Variants in ROBO2 observed in about 807,000 individuals in gnomAD.
ROBO2 encodes the protein roundabout homolog 2.
In ROBO2, 53 loss-of-function variants were observed where a neutral mutation model predicts 160.8. The ratio of observed to expected loss-of-function variants is 0.33; its 90% CI spans 0.26 to 0.41. ROBO2 has a LOEUF of 0.41. Among genes scored for constraint, ROBO2 ranks in the 10% least tolerant of loss-of-function variants. The probability of loss-of-function intolerance (pLI) is 1.00; values close to 1 mark genes in which losing one functional copy is unlikely to be tolerated. For synonymous variants in ROBO2, 664 were observed against 611.7 expected, an observed-to-expected ratio of 1.09 and a Z score of -1.26; for missense variants, 1,577 against 1,722.4, an observed-to-expected ratio of 0.92 and a Z score of 1.49.
At chr3:76,721,085 G>C (rs1229564939) in intron 2 of ROBO2, among the ~76,000 whole-genome samples, 1 of 152,028 alleles carries the variant, frequency 6.6e-6, no homozygotes, top group Non-Finnish European at 1.5e-5. Flanking sequence ...CAATTAGCTA[G>C]GAAAACTTAC....
At chr3:76,899,715 C>T (rs965026320) in intron 2 of ROBO2, among the ~76,000 whole-genome samples, 1 of 152,142 alleles carries the variant, frequency 6.6e-6, no homozygotes. Context: ...CTGCCCTCAT[C>T]AAGCTTTCAT....
intron 2 of ROBO2, among the ~76,000 whole-genome samples, chr3:76,128,334 C>G (rs998405297): frequency 2.6e-5 from 4 of 152,056 alleles, no homozygotes; most frequent in Admixed American, 2.0e-4. Flanking sequence ...CCAAGTTTCT[C>G]TTACGAAAAA....
intron 2 of ROBO2, among the ~76,000 whole-genome samples, chr3:77,452,169 A>C (rs1240978865): frequency 6.6e-6 from 1 of 152,158 alleles, no homozygotes. Context: ...TAATTTTGAA[A>C]GTTGATTCAT....
At chr3:77,084,008 T>C (rs369550373) in intron 1 of ROBO2, among the ~76,000 whole-genome samples, 3 of 152,074 alleles carry the variant, frequency 2.0e-5, no homozygotes, top group East Asian at 1.9e-4. Flanking sequence ...ATTATCTTCA[T>C]TGAAGGGAAG....
intron 2 of ROBO2, among the ~76,000 whole-genome samples, chr3:76,425,934 G>T (rs9827843): frequency 6.6e-6 from 1 of 151,940 alleles, no homozygotes; most frequent in Non-Finnish European, 1.5e-5. Flanking sequence ...CAGTTTCCCA[G>T]TTAGCATCAA....
chr3:76,480,467 T>A (rs983002900), intron 2 of ROBO2, among the ~76,000 whole-genome samples: 9 of 152,126 alleles, frequency 5.9e-5, no homozygotes, highest in Admixed American at 2.0e-4. Context: ...TGGAAGAGGT[T>A]ATCTTAGTCT....
intron 2 of ROBO2, among the ~76,000 whole-genome samples, chr3:76,823,854 A>T (rs1183647508): frequency 6.6e-6 from 1 of 152,214 alleles, no homozygotes; most frequent in Non-Finnish European, 1.5e-5. Context: ...ATGGAGGCAT[A>T]AGAAAAAAGA....
At chr3:77,171,969 A>C (rs2079686287) in intron 2 of ROBO2, among the ~76,000 whole-genome samples, 1 of 152,202 alleles carries the variant, frequency 6.6e-6, no homozygotes, top group African/African-American at 2.4e-5. Context: ...CTTTGTGTTA[A>C]TTTACAAATG....
intron 2 of ROBO2, among the ~76,000 whole-genome samples, chr3:75,993,661 G>T (rs187829856): frequency 6.6e-6 from 1 of 151,922 alleles, no homozygotes; most frequent in Admixed American, 6.6e-5. Flanking sequence ...ATACCTTTTC[G>T]CTTCCTGTAG....
chr3:77,285,296 A>G (rs1188419570), intron 2 of ROBO2, among the ~76,000 whole-genome samples: 1 of 152,218 alleles, frequency 6.6e-6, no homozygotes, highest in Non-Finnish European at 1.5e-5. Flanking sequence ...TAAAATGCTT[A>G]CAAGAAGAAC....
At chr3:76,922,082 C>T (rs770721181) in intron 2 of ROBO2, among the ~76,000 whole-genome samples, 24 of 152,096 alleles carry the variant, frequency 1.6e-4, no homozygotes, top group Non-Finnish European at 2.9e-4. Context: ...GAGACCAAGG[C>T]GGGCAGATCA....
intron 2 of ROBO2, among the ~76,000 whole-genome samples, chr3:76,965,868 A>G (rs972111845): frequency 1.4e-5 from 2 of 147,020 alleles, no homozygotes; most frequent in Non-Finnish European, 1.5e-5. Context: ...CCATATCTAT[A>G]AGTTTTCCCT....
intron 2 of ROBO2, among the ~76,000 whole-genome samples, chr3:76,355,032 ATGTGTATGTGTATGTGTGTGTGTG>A (rs2075077589): frequency 1.3e-5 from 2 of 150,914 alleles, no homozygotes; most frequent in African/African-American, 4.8e-5. Flanking sequence ...GTTTATGTGT[ATGTGTATGTGTATGTGTGTGTGTG>A]TGTGTATGTA....
At chr3:75,967,939 G>A (rs1305878816) in intron 2 of ROBO2, among the ~76,000 whole-genome samples, 1 of 151,476 alleles carries the variant, frequency 6.6e-6, no homozygotes, top group African/African-American at 2.4e-5. Flanking sequence ...CTGGCATACA[G>A]CAAATGCTCA....
chr3:77,317,931 G>A (rs1286309785), intron 2 of ROBO2, among the ~76,000 whole-genome samples: 3 of 150,116 alleles, frequency 2.0e-5, no homozygotes, highest in South Asian at 2.1e-4. Flanking sequence ...GGGGGGCTGC[G>A]GCGCCAAGGC....
chr3:77,064,362 C>CTTT lies in ROBO2; in HGVS notation c.61+23530_61+23532dup, dbSNP rs71104649. Among the ~76,000 whole-genome samples, 1,122 of 138,142 alleles carry CTTT rather than the reference C, an allele frequency of 8.1e-3. 28 individuals carry two copies. Among genetic ancestry groups the CTTT allele is most frequent in the Non-Finnish European group, 0.012 (764 of 65,264 alleles). The allele number at this position is 138,142 out of a possible 152,430, so 90.6% of individuals were successfully genotyped here. A position where few individuals can be genotyped will look rare whatever the true frequency, so the allele number is the denominator to read the frequency against. On this transcript the variant is annotated intron_variant, in intron 1 of 25. Coordinates refer to ENST00000461745, the Ensembl canonical transcript of ROBO2. ...AAATAAAATTAATACTTGGATGTAT[C>CTTT]TTTTTTTTTTTTTTTTGAGACAGAG... is the stretch of plus-strand genomic sequence containing the variant.
At chr3:76,166,753 T>C (rs1246329162) in intron 2 of ROBO2, among the ~76,000 whole-genome samples, 2 of 152,180 alleles carry the variant, frequency 1.3e-5, no homozygotes, top group Non-Finnish European at 2.9e-5. Context: ...TTTTTGACTC[T>C]TGTTTTAAGG....
chr3:76,213,148 C>T (rs1169148464), intron 2 of ROBO2, among the ~76,000 whole-genome samples: 1 of 152,006 alleles, frequency 6.6e-6, no homozygotes, highest in Non-Finnish European at 1.5e-5. Flanking sequence ...TGATACATAA[C>T]AGAAAGTTAT....
chr3:76,488,458 G>A (rs1011659880), intron 2 of ROBO2, among the ~76,000 whole-genome samples: 2 of 152,126 alleles, frequency 1.3e-5, no homozygotes. Context: ...TGTTAGAGAA[G>A]ACCTGCCGTT....
Sources: allele counts gnomAD v4.1 joint callset (sites outside exome capture counted in the v4.1 genomes callset), GRCh38; gene constraint gnomAD v4.1.1; transcripts MANE v1.5; gene names NCBI Gene and HGNC (gene_info 2026-07-23, HGNC 2026-07-21).